LY86: variants seen among roughly 807,000 people sequenced by gnomAD.
LY86 encodes MD-1, RP105-associated.
In LY86, 20 loss-of-function variants were observed where a neutral mutation model predicts 17.3. The observed-to-expected ratio is 1.15, with a 90% CI of 0.81 to 1.68. The LOEUF is 1.68. Ranked by LOEUF, LY86 falls within the 40% of genes most tolerant of loss-of-function variation. The pLI, the probability that LY86 is intolerant of heterozygous loss-of-function variation, is 0.00. For missense variants in LY86, 200 were observed against 191.9 expected (o/e 1.04, Z -0.25); for synonymous variants, 74 against 70.6 (o/e 1.05, Z -0.24).
chr6:6,626,842 G>C (rs1239727324), intron 3 of LY86, among the ~76,000 whole-genome samples: 8 of 151,984 alleles, frequency 5.3e-5, no homozygotes, highest in South Asian at 4.2e-4. Flanking sequence ...AAAAAATGAA[G>C]CTTATGATAT....
At chr6:6,601,820 T>C (rs1293098512) in intron 1 of LY86, among the ~76,000 whole-genome samples, 1 of 152,198 alleles carries the variant, frequency 6.6e-6, no homozygotes, top group Non-Finnish European at 1.5e-5. Flanking sequence ...TCCATCTTAT[T>C]GCCATGTGGG....
intron 1 of LY86, among the ~76,000 whole-genome samples, chr6:6,597,750 C>T (rs1760760218): frequency 6.6e-6 from 1 of 152,240 alleles, no homozygotes. Context: ...CTGCCCTCAG[C>T]AGAAGTGAGT....
At chr6:6,589,267 T>C (rs1760453100) in intron 1 of LY86, among the ~76,000 whole-genome samples, 1 of 152,160 alleles carries the variant, frequency 6.6e-6, no homozygotes, top group South Asian at 2.1e-4. Flanking sequence ...TACCTTTCCA[T>C]CTGATGTACT....
intron 3 of LY86, among the ~76,000 whole-genome samples, chr6:6,627,830 G>A (rs901954314): frequency 1.4e-4 from 22 of 152,158 alleles, no homozygotes; most frequent in Non-Finnish European, 2.8e-4. Context: ...GAGGGGTTTA[G>A]GAACTTGCAC....
rs551491278 is a variant in LY86 at position 6,646,628 on chromosome 6, C to T, written c.353-2997C>T. Among the ~76,000 whole-genome samples, 7 of 152,312 alleles carry T rather than the reference C, an allele frequency of 4.6e-5. No individual in the cohort carries two copies. In the South Asian group the frequency reaches 8.3e-4, roughly 18 times the overall value. On this transcript the variant is annotated intron_variant, in intron 3 of 4. Coordinates refer to ENST00000230568, the MANE Select transcript of LY86 (RefSeq NM_004271.4). ...TATCCTGCCAGCTCACCAATTCTAG[C>T]ACCTTGACTGCAATAATAGAAACTC...
At chr6:6,623,735 A>T (rs571107758) in intron 1 of LY86, among the ~76,000 whole-genome samples, 1 of 152,362 alleles carries the variant, frequency 6.6e-6, no homozygotes, top group East Asian at 1.9e-4. Flanking sequence ...CTCCTAAAGT[A>T]CAAGGCTCAG....
At chr6:6,617,093 T>C (rs1761573107) in intron 1 of LY86, among the ~76,000 whole-genome samples, 2 of 152,232 alleles carry the variant, frequency 1.3e-5, no homozygotes, top group Non-Finnish European at 2.9e-5. Flanking sequence ...CCACATGGAC[T>C]GACTCCAAAT....
chr6:6,604,135 T>C (rs1180799787), intron 1 of LY86, among the ~76,000 whole-genome samples: 1 of 152,182 alleles, frequency 6.6e-6, no homozygotes, highest in Non-Finnish European at 1.5e-5. Context: ...TAATTATCTC[T>C]ATGGGGTCAT....
In LY86 at chr6:6,649,643, G is replaced by C. The variant is rs749987538; in HGVS notation, c.371G>C (p.Gly124Ala). 4.5e-6 allele frequency: 7 copies of C among 1,572,596 alleles called. No homozygotes were observed. Among genetic ancestry groups the C allele is most frequent in the Non-Finnish European group, 5.2e-6 (6 of 1,147,668 alleles). The part of the protein sequence containing the change: ...RRKGEQIYYA[G>A]PVNNPEFTIP... ...TTTTCAGAGCAGATTTACTATGCTG[G>C]GCCTGTCAATAATCCTGAATTTACT... The change falls in exon 4 of 5, where the codon GGG (glycine) becomes GCG (alanine). Residue 124 changes from glycine to alanine, a missense_variant. Transcript: ENST00000230568.
At chr6:6,606,748 C>T (rs1158245784) in intron 1 of LY86, among the ~76,000 whole-genome samples, 3 of 152,222 alleles carry the variant, frequency 2.0e-5, no homozygotes, top group Non-Finnish European at 2.9e-5. Flanking sequence ...CACGCCCACC[C>T]GGAACTCGCG....
At chr6:6,631,093 T>C (rs1761891351) in intron 3 of LY86, among the ~76,000 whole-genome samples, 1 of 151,664 alleles carries the variant, frequency 6.6e-6, no homozygotes. Flanking sequence ...TTAATGTTTT[T>C]ACTGGCAGCG....
At chr6:6,625,125 C>A in intron 2 of LY86, 113 bp downstream of exon 2, 1 of 547,464 alleles carries the variant, frequency 1.8e-6, no homozygotes, top group Admixed American at 3.9e-5. Context: ...TGTTCCCTCA[C>A]CACTCTCTGG....
At chr6:6,639,374 C>T (rs1394380552) in intron 3 of LY86, among the ~76,000 whole-genome samples, 1 of 152,154 alleles carries the variant, frequency 6.6e-6, no homozygotes, top group East Asian at 1.9e-4. Context: ...CTGGTCCCTC[C>T]TTTCTTAATC....
chr6:6,648,372 A>G (rs908835640), intron 3 of LY86, among the ~76,000 whole-genome samples: 1 of 152,026 alleles, frequency 6.6e-6, no homozygotes, highest in East Asian at 1.9e-4. Context: ...AATATCTGTC[A>G]CCCCTCAATC....
chr6:6,628,638 T>C, intron 3 of LY86, among the ~76,000 whole-genome samples: 1 of 152,238 alleles, frequency 6.6e-6, no homozygotes, highest in East Asian at 1.9e-4. Context: ...ATCGTGTTCC[T>C]ACTTCTGCTG....
chr6:6,648,875 C>G lies in LY86; in HGVS notation c.353-750C>G, dbSNP rs1007406761. 6.6e-5 allele frequency among the ~76,000 whole-genome samples: 10 copies of G among 151,982 alleles called. 1 individual carries two copies. The highest frequency in any genetic ancestry group is 6.6e-4 in the Admixed American group (10 of 15,260). On this transcript the variant is annotated intron_variant, in intron 3 of 4. Transcript: ENST00000230568. ...CCTGGATCCAGCCTGGCCCCTCCCC[C>G]ACCACACCCTCCTGCCTCTCTCATA...
chr6:6,635,224 C>T (rs1448634612), intron 3 of LY86, among the ~76,000 whole-genome samples: 1 of 152,102 alleles, frequency 6.6e-6, no homozygotes, highest in African/African-American at 2.4e-5. Context: ...TTCCAAGACC[C>T]CCAGTGCATG....
At chr6:6,605,203 T>TCCAAATAGAAATCCAAA (rs1214115163) in intron 1 of LY86, among the ~76,000 whole-genome samples, 26 of 152,352 alleles carry the variant, frequency 1.7e-4, no homozygotes, top group South Asian at 8.3e-4. Flanking sequence ...CAAGAATGTG[T>TCCAAATAGAAATCCAAA]TAGATTTCTA....
At position 6,594,337 on chromosome 6, in the gene LY86, AAAG is replaced by A. The variant is rs576858414; in HGVS notation, c.136+5476_136+5478del. On this transcript the variant is annotated intron_variant, in intron 1 of 4. Transcript: ENST00000230568. ...TATATTTTTAATGTTAAAGAATTCA[AAAG>A]AAGAAGAATATTCATGACACATGGA... Among the ~76,000 whole-genome samples, 51 of 152,370 alleles carry A rather than the reference AAAG, an allele frequency of 3.3e-4. 1 individual carries two copies. Among genetic ancestry groups the A allele is most frequent in the African/African-American group, 9.6e-4 (40 of 41,592 alleles).
Sources: gnomAD v4.1 joint callset for allele counts (sites outside exome capture counted in the v4.1 genomes callset) on GRCh38, gnomAD v4.1.1 for gene constraint, MANE v1.5 for transcripts, NCBI Gene and HGNC (gene_info 2026-07-23, HGNC 2026-07-21) for gene names.